TRPM3: variants seen among roughly 807,000 people sequenced by gnomAD.
TRPM3 encodes transient receptor potential cation channel subfamily M member 3, also known as long transient receptor potential channel 3.
TRPM3 carries 77 observed loss-of-function variants against 181.2 expected under a neutral mutation model. That is an observed-to-expected ratio of 0.42 (90% CI 0.35 to 0.51). The LOEUF (loss-of-function observed/expected upper bound fraction) is 0.51, where lower values mean the gene tolerates loss of function less well. TRPM3 is among the 20% of genes least tolerant of loss of function. The pLI, the probability that TRPM3 is intolerant of heterozygous loss-of-function variation, is 0.01. For missense variants in TRPM3, 1,759 were observed against 2,196.7 expected (o/e 0.80, Z 3.98); for synonymous variants, 745 against 796.4 (o/e 0.94, Z 1.09).
chr9:70,687,035 T>C (rs532938940), intron 8 of TRPM3, among the ~76,000 whole-genome samples: 2 of 151,906 alleles, frequency 1.3e-5, no homozygotes, highest in Non-Finnish European at 2.9e-5. Context: ...GCTCAAGTGA[T>C]CTGCCCGTCT....
At chr9:70,551,345 T>C (rs1215238019) in intron 24 of TRPM3, among the ~76,000 whole-genome samples, 2 of 152,186 alleles carry the variant, frequency 1.3e-5, no homozygotes, top group African/African-American at 4.8e-5. Context: ...AGCACTAAAA[T>C]CTTTCTTCTC....
intron 1 of TRPM3, among the ~76,000 whole-genome samples, chr9:71,218,774 GATTTTTTTGGTAGAATGTT>G (rs1240616666): frequency 6.6e-6 from 1 of 152,142 alleles, no homozygotes; most frequent in Non-Finnish European, 1.5e-5. Context: ...AAAGCATAGC[GATTTTTTTGGTAGAATGTT>G]ATGAATTTTA....
intron 1 of TRPM3, among the ~76,000 whole-genome samples, chr9:71,100,390 TCA>T (rs1244294012): frequency 5.9e-5 from 9 of 152,106 alleles, no homozygotes; most frequent in Admixed American, 2.6e-4. Flanking sequence ...CCTCATTCCT[TCA>T]CTCTCAGGAA....
chr9:71,133,347 T>G (rs2074497403), intron 1 of TRPM3, among the ~76,000 whole-genome samples: 1 of 124,576 alleles, frequency 8.0e-6, no homozygotes, highest in Admixed American at 1.1e-4. Flanking sequence ...CAGGCTGGAG[T>G]GCAGTGGCAC....
At position 70,846,394 on chromosome 9, in the gene TRPM3, A is replaced by G. The variant is rs1225328623; in HGVS notation, c.660T>C (p.Thr220=). The stretch of plus-strand genomic sequence containing the variant: ...TGCAATTACCTGTGTTAACCCCTCC[A>G]GTGAATATCCACGCTCCAGTTGTCA... The part of the protein sequence containing the change: ...AAMTTGAWIF[T]GGVNTGVIRH... Residue 220 remains threonine (T), a synonymous_variant, in exon 4 of 26, where the codon ACT becomes ACC. Transcript: ENST00000677713. 3.7e-6 allele frequency: 6 copies of G among 1,613,982 alleles called. No homozygotes were observed. In the East Asian group the frequency reaches 1.3e-4, roughly 36 times the overall value.
chr9:71,210,723 A>G (rs974183408), intron 1 of TRPM3, among the ~76,000 whole-genome samples: 1 of 152,214 alleles, frequency 6.6e-6, no homozygotes, highest in East Asian at 1.9e-4. Context: ...TCTGGCTGCT[A>G]TCACAAAACA....
intron 1 of TRPM3, among the ~76,000 whole-genome samples, chr9:70,876,799 C>A (rs1444713665): frequency 6.6e-6 from 1 of 151,838 alleles, no homozygotes; most frequent in Non-Finnish European, 1.5e-5. Flanking sequence ...CATTCTTTAC[C>A]CAGCAACAAG....
At chr9:70,585,922 C>T (rs114886513) in intron 22 of TRPM3, among the ~76,000 whole-genome samples, 2,624 of 152,232 alleles carry the variant, frequency 0.017, 79 homozygotes, top group African/African-American at 0.057. Flanking sequence ...CAGACCCTTC[C>T]GTCCTACTTC....
intron 1 of TRPM3, among the ~76,000 whole-genome samples, chr9:71,419,737 A>T (rs1300366566): frequency 4.6e-5 from 7 of 151,938 alleles, no homozygotes; most frequent in Admixed American, 4.6e-4. Context: ...TGTTATGCAC[A>T]TTTTACCACA....
intron 1 of TRPM3, among the ~76,000 whole-genome samples, chr9:71,411,227 A>G (rs542452685): frequency 6.6e-6 from 1 of 152,354 alleles, no homozygotes; most frequent in South Asian, 2.1e-4. Flanking sequence ...ACTCCTATTC[A>G]ACACAGTGTT....
intron 1 of TRPM3, among the ~76,000 whole-genome samples, chr9:71,359,170 GA>G (rs1315556779): frequency 6.6e-6 from 1 of 152,160 alleles, no homozygotes; most frequent in Non-Finnish European, 1.5e-5. Context: ...AAATGTAAAA[GA>G]AAAGTCTTAG....
At chr9:70,623,286 A>G (rs2063912425) in intron 14 of TRPM3, among the ~76,000 whole-genome samples, 1 of 151,796 alleles carries the variant, frequency 6.6e-6, no homozygotes, top group Non-Finnish European at 1.5e-5. Flanking sequence ...GAATTGCTTG[A>G]ACCTGGGAGG....
At position 70,640,541 on chromosome 9, in the gene TRPM3, G is replaced by A. The variant is rs371545645; in HGVS notation, c.1446+19C>T. On this transcript the variant is annotated intron_variant, in intron 10 of 25. Coordinates refer to ENST00000677713, the MANE Select transcript of TRPM3 (RefSeq NM_001366145.2). Reference sequence around the variant, plus strand: ...GCCAACCAAAGTGGGCTTTTCATGGGAGACGATATATACTCTACCGGCCAC... The same window carrying A: ...GCCAACCAAAGTGGGCTTTTCATGGAAGACGATATATACTCTACCGGCCAC... 6.2e-7 allele frequency: 1 copy of A among 1,606,458 alleles called. No individual in the cohort carries two copies. The highest frequency in any genetic ancestry group is 1.3e-5 in the African/African-American group (1 of 74,786).
intron 19 of TRPM3, among the ~76,000 whole-genome samples, chr9:70,609,619 C>A (rs997205664): frequency 1.3e-5 from 2 of 152,160 alleles, no homozygotes; most frequent in African/African-American, 4.8e-5. Context: ...GGGGACAGCC[C>A]CCCACAATGA....
chr9:70,913,015 C>T (rs2096554285), intron 1 of TRPM3, among the ~76,000 whole-genome samples: 1 of 152,102 alleles, frequency 6.6e-6, no homozygotes, highest in African/African-American at 2.4e-5. Flanking sequence ...TAAGTAAGTA[C>T]CCAATCTATG....
At position 71,272,000 on chromosome 9, in the gene TRPM3, G is replaced by A. The variant is rs924518884; in HGVS notation, c.183+174653C>T. On this transcript the variant is annotated intron_variant, in intron 1 of 24. Coordinates refer to the TRPM3 transcript ENST00000357533. ...TTATCCGATCCTTGTTGTGCCAGCT[G>A]GATAGTCTGAGACATAATTTTGGTT... Among the ~76,000 whole-genome samples the A allele has an allele frequency of 5.3e-5, 8 of 152,168 alleles. No homozygotes were observed. The East Asian group carries it at 7.7e-4, about 15-fold the overall frequency.
At chr9:71,036,533 C>T (rs549476164) in intron 1 of TRPM3, among the ~76,000 whole-genome samples, 1 of 152,334 alleles carries the variant, frequency 6.6e-6, no homozygotes, top group Admixed American at 6.5e-5. Flanking sequence ...GCTTTCTGGG[C>T]ATTCACTGAA....
intron 1 of TRPM3, among the ~76,000 whole-genome samples, chr9:71,055,928 C>T (rs1390823275): frequency 6.6e-6 from 1 of 151,970 alleles, no homozygotes; most frequent in South Asian, 2.1e-4. Flanking sequence ...AGTCTGTATA[C>T]AAATAACCTA....
intron 1 of TRPM3, among the ~76,000 whole-genome samples, chr9:71,228,569 G>C (rs2080845681): frequency 6.6e-6 from 1 of 152,078 alleles, no homozygotes; most frequent in African/African-American, 2.4e-5. Flanking sequence ...CTTCTATTTG[G>C]AAAAACTTAA....
Sources: gnomAD v4.1 joint callset for allele counts (sites outside exome capture counted in the v4.1 genomes callset) on GRCh38, gnomAD v4.1.1 for gene constraint, MANE v1.5 for transcripts, NCBI Gene and HGNC (gene_info 2026-07-23, HGNC 2026-07-21) for gene names.